Variants in C1QTNF2 observed in about 807,000 individuals in gnomAD.
The protein encoded by C1QTNF2 is C1q and TNF related 2, also known as complement C1q tumor necrosis factor-related protein 2.
In C1QTNF2, 15 loss-of-function variants were observed where a neutral mutation model predicts 17.4. The ratio of observed to expected loss-of-function variants is 0.86; its 90% CI spans 0.58 to 1.33. The LOEUF is 1.33. Ranked by LOEUF, C1QTNF2 falls within the 40% of genes most tolerant of loss-of-function variation. The probability of loss-of-function intolerance (pLI) is 0.00; values close to 1 mark genes in which losing one functional copy is unlikely to be tolerated. For missense variants in C1QTNF2, 381 were observed against 392.3 expected (o/e 0.97, Z 0.24); for synonymous variants, 154 against 163.3 (o/e 0.94, Z 0.44).
rs144145571 is a variant in C1QTNF2, at chr5:160,367,372, C to T, written c.-10+3140G>A. On this transcript the variant is annotated intron_variant, in intron 1 of 2. Transcript: ENST00000652664. ...AGGTATTACAGGCTGACTTGTGTCT[C>T]CCCAGAATTCACACATTGAAGTCCT... is the stretch of plus-strand genomic sequence containing the variant. Among the ~76,000 whole-genome samples, 737 of 152,286 alleles carry T rather than the reference C, an allele frequency of 4.8e-3. 1 individual carries two copies. Among genetic ancestry groups the T allele is most frequent in the Non-Finnish European group, 6.9e-3 (466 of 68,028 alleles).
chr5:160,354,277 T>G (rs982219299), intron 2 of C1QTNF2, among the ~76,000 whole-genome samples: 5 of 152,066 alleles, frequency 3.3e-5, no homozygotes, highest in Non-Finnish European at 2.9e-5. Context: ...CATGTTCCTT[T>G]CAGAATAAAC....
At chr5:160,354,598 GTATA>G (rs1172776724) in intron 2 of C1QTNF2, among the ~76,000 whole-genome samples, 166 bp downstream of exon 2, 39 of 30,878 alleles carry the variant, frequency 1.3e-3, no homozygotes, top group Middle Eastern at 0.045. Context: ...AAAAAAAAAA[GTATA>G]TATATATATA....
At position 160,354,899 on chromosome 5, in the gene C1QTNF2, AG is replaced by A. The variant is rs1326473476; in HGVS notation, c.112del (p.Leu38CysfsTer19). 5.0e-6 allele frequency: 8 copies of A among 1,603,846 alleles called. No individual in the cohort carries two copies. Among genetic ancestry groups the A allele is most frequent in the Non-Finnish European group, 6.8e-6 (8 of 1,175,670 alleles). On this transcript the variant is annotated frameshift_variant, in exon 2 of 3. Coordinates refer to ENST00000652664, the MANE Select transcript of C1QTNF2 (RefSeq NM_031908.6). LOFTEE classifies it high-confidence loss of function. ...GCCGGGTGGGCCCTGGGGGCCAGGC[AG>A]GCTGCAGACCAGTTGAGGGGAGCCT... ...RKGSPQLVCS[L>X]PGPQGPPGPP...
intron 2 of C1QTNF2, among the ~76,000 whole-genome samples, chr5:160,353,037 G>A (rs1051082107): frequency 6.6e-6 from 1 of 152,138 alleles, no homozygotes; most frequent in African/African-American, 2.4e-5. Context: ...GAGAAGTTAA[G>A]TAGTTTGTCA....
At chr5:160,355,808 C>T (rs1016573464) in intron 1 of C1QTNF2, among the ~76,000 whole-genome samples, 1 of 112,334 alleles carries the variant, frequency 8.9e-6, no homozygotes, top group Non-Finnish European at 2.2e-5. Flanking sequence ...ATATTTCTTG[C>T]GATTTTTTTT....
intron 1 of C1QTNF2, among the ~76,000 whole-genome samples, chr5:160,369,370 A>G (rs929906437): frequency 1.3e-5 from 2 of 152,222 alleles, no homozygotes; most frequent in African/African-American, 4.8e-5. Flanking sequence ...TTCTGCAGTG[A>G]ATCTGATGTG....
chr5:160,350,668 T>C (rs1367890699), intron 2 of C1QTNF2, among the ~76,000 whole-genome samples: 1 of 152,124 alleles, frequency 6.6e-6, no homozygotes. Flanking sequence ...TGTCACTGCA[T>C]TCCAGCCTGG....
chr5:160,354,514 G>A (rs529728748), intron 2 of C1QTNF2, among the ~76,000 whole-genome samples: 2 of 150,034 alleles, frequency 1.3e-5, no homozygotes, highest in East Asian at 2.0e-4. Context: ...AGGAGGCAGA[G>A]GTTGCAGTGA....
At chr5:160,351,374 GA>G (rs760218159) in intron 2 of C1QTNF2, among the ~76,000 whole-genome samples, 39 of 152,188 alleles carry the variant, frequency 2.6e-4, no homozygotes, top group Non-Finnish European at 5.0e-4. Context: ...CTGGGTCAAG[GA>G]AGTAAAGTTT....
intron 2 of C1QTNF2, 139 bp downstream of exon 2, chr5:160,354,629 T>TATACAC (rs1481119845): frequency 8.9e-6 from 3 of 336,162 alleles, no homozygotes; most frequent in African/African-American, 7.6e-5. Context: ...TATATATATA[T>TATACAC]ATATAGATTT....
At position 160,354,874 on chromosome 5, in the gene C1QTNF2, G is replaced by A; in HGVS notation, c.138C>T (p.Gly46=). Residue 46 remains glycine (G), a synonymous_variant, in exon 2 of 3, where the codon GGC becomes GGT. Transcript: ENST00000652664. ...CSLPGPQGPP[G]PPGAPGPSGM... is the part of the protein sequence containing the mutation. Reference sequence around the variant, plus strand: ...CTGAGGGCCCTGGGGCTCCTGGGGGGCCGGGTGGGCCCTGGGGGCCAGGCA... The same window carrying A: ...CTGAGGGCCCTGGGGCTCCTGGGGGACCGGGTGGGCCCTGGGGGCCAGGCA... 6.2e-7 allele frequency: 1 copy of A among 1,607,348 alleles called. No homozygotes were observed. Among genetic ancestry groups the A allele is most frequent in the East Asian group, 2.2e-5 (1 of 44,648 alleles).
intron 1 of C1QTNF2, among the ~76,000 whole-genome samples, chr5:160,365,461 T>C (rs1056153832): frequency 1.6e-4 from 24 of 152,140 alleles, no homozygotes; most frequent in Non-Finnish European, 3.4e-4. Context: ...TCTATAATCC[T>C]AGCACTTTGG....
Position 160,354,929 on chromosome 5 carries a change from C to A in C1QTNF2, c.83G>T (p.Arg28Leu). 2 of 1,598,776 alleles carry A rather than the reference C, an allele frequency of 1.3e-6. No homozygotes were observed. Among genetic ancestry groups the A allele is most frequent in the African/African-American group, 1.3e-5 (1 of 74,840 alleles). Reference protein sequence around the residue: ...LLGAFARRDFRKGSPQLVCSL... With the variant: ...LLGAFARRDFLKGSPQLVCSL... ...GCAGACCAGTTGAGGGGAGCCTTTC[C>A]GGAAGTCCCTGCGAGCAAAGGCGCC... Residue 28 changes from arginine to leucine, a missense_variant, in exon 2 of 3, where the codon CGG becomes CTG. Physicochemically the swap from Arg to Leu is moderately radical, Grantham distance 102. Coordinates refer to ENST00000652664, the MANE Select transcript of C1QTNF2 (RefSeq NM_031908.6).
chr5:160,353,914 C>T (rs896572896), intron 2 of C1QTNF2, among the ~76,000 whole-genome samples: 1 of 150,154 alleles, frequency 6.7e-6, no homozygotes, highest in African/African-American at 2.5e-5. Context: ...AGCAATTCTC[C>T]TACCTCAGCC....
intron 1 of C1QTNF2, among the ~76,000 whole-genome samples, chr5:160,359,950 AC>A (rs951429493): frequency 1.0e-5 from 1 of 97,494 alleles, no homozygotes; most frequent in African/African-American, 3.8e-5. Context: ...CCCAGCACCC[AC>A]CCCCCCTACC....
chr5:160,354,940 G>A lies in C1QTNF2; in HGVS notation c.72C>T (p.Arg24=). 2 of 1,595,698 alleles carry A rather than the reference G, an allele frequency of 1.3e-6. No individual in the cohort carries two copies. The highest frequency in any genetic ancestry group is 2.3e-5 in the South Asian group (2 of 88,048). The change falls in exon 2 of 3, where the codon CGC becomes CGT. Residue 24 remains arginine, a synonymous_variant. Transcript: ENST00000652664. Reference sequence around the variant, plus strand: ...GAGGGGAGCCTTTCCGGAAGTCCCTGCGAGCAAAGGCGCCAAGCAGTGGGT... The same window carrying A: ...GAGGGGAGCCTTTCCGGAAGTCCCTACGAGCAAAGGCGCCAAGCAGTGGGT... ...AADPLLGAFA[R]RDFRKGSPQL... is the part of the protein sequence containing the mutation.
intron 1 of C1QTNF2, among the ~76,000 whole-genome samples, chr5:160,361,754 A>G (rs1764158024): frequency 6.6e-6 from 1 of 152,160 alleles, no homozygotes. Context: ...GCCCTCAGGT[A>G]GCTGCCAGCC....
Position 160,349,667 on chromosome 5 carries a change from T to A in C1QTNF2, c.359A>T (p.His120Leu). 6.2e-7 allele frequency: 1 copy of A among 1,613,374 alleles called. No individual in the cohort carries two copies. The highest frequency in any genetic ancestry group is 1.1e-5 in the South Asian group (1 of 91,044). ...GGGCCCCTTCTTGCCTGGTGTGCCA[T>A]GCTTCCCGGGGGTACCGTTGACCCC... ...PKGVNGTPGK[H>L]GTPGKKGPKG... The change falls in exon 3 of 3, where the codon CAT becomes CTT. Residue 120 changes from histidine (H) to leucine (L), a missense_variant. Coordinates refer to ENST00000652664, the MANE Select transcript of C1QTNF2 (RefSeq NM_031908.6). This position sits in a 1 kb window ranked among gnomAD's most constrained non-coding sequence, Gnocchi z 4.3.
At position 160,348,462 on chromosome 5, in the gene C1QTNF2, T is replaced by C. The variant is rs1380888672; in HGVS notation, c.*706A>G. The C allele has an allele frequency of 6.6e-6, 1 of 152,334 alleles. No individual in the cohort carries two copies. Among genetic ancestry groups the C allele is most frequent in the African/African-American group, 2.4e-5 (1 of 41,482 alleles). 9.4% of individuals were successfully genotyped at this position (152,334 alleles called of 1,614,324 possible). ...CCTCCCTCTTTCCTGTCAAGGTCTT[T>C]GCACTTGCAGAGCCTTTTGCTGGAG... On this transcript the variant is annotated 3_prime_UTR_variant, in exon 3 of 3. Coordinates refer to ENST00000652664, the MANE Select transcript of C1QTNF2 (RefSeq NM_031908.6).
Sources: gnomAD v4.1 joint callset for allele counts (sites outside exome capture counted in the v4.1 genomes callset) on GRCh38, gnomAD v4.1.1 for gene constraint, Gnocchi (gnomAD v3.1) non-coding constraint, MANE v1.5 for transcripts, NCBI Gene and HGNC (gene_info 2026-07-23, HGNC 2026-07-21) for gene names.